JRK: variants seen among roughly 807,000 people sequenced by gnomAD.
JRK encodes Jrk helix-turn-helix protein, also known as jerky protein homolog.
For synonymous variants in JRK, 303 were observed against 218.1 expected, an observed-to-expected ratio of 1.39 and a Z score of -3.43; for missense variants, 720 against 509.2, an observed-to-expected ratio of 1.41 and a Z score of -3.98.
At chr8:142,647,589 G>A in the JRK span, among the ~76,000 whole-genome samples, 3 of 152,176 alleles carry the variant, frequency 2.0e-5, no homozygotes, top group Admixed American at 6.5e-5. Flanking sequence ...TGTCACACAT[G>A]ACTTGCTCCT....
chr8:142,666,090 G>A lies in JRK; in HGVS notation c.-32C>T. 6.3e-7 allele frequency: 1 copy of A among 1,585,096 alleles called. No individual in the cohort carries two copies. Among genetic ancestry groups the A allele is most frequent in the Non-Finnish European group, 8.6e-7 (1 of 1,166,362 alleles). On this transcript the variant is annotated 5_prime_UTR_variant, in exon 2 of 2. Transcript: ENST00000612905. ...GGGTGGCTGGTCCTAGCACTTGCAGGACACACGCCTGGCCTGGGCTGCTGC... is the reference window on the plus strand; with the variant it reads ...GGGTGGCTGGTCCTAGCACTTGCAGAACACACGCCTGGCCTGGGCTGCTGC...
At chr8:142,647,733 A>G in the JRK span, among the ~76,000 whole-genome samples, 1 of 152,190 alleles carries the variant, frequency 6.6e-6, no homozygotes, top group African/African-American at 2.4e-5. Context: ...TAATACAGTA[A>G]ATTGGTACCA....
chr8:142,659,107 G>GA lies in JRK; in HGVS notation c.*5244dup. On this transcript the variant is annotated 3_prime_UTR_variant, in exon 2 of 2. Transcript: ENST00000612905. ...CAGCCCATCAAGGTACAATGAAATAGAAAAAAGGCTGGCCAGGTGCCAAGT... is the reference window on the plus strand; with the variant it reads ...CAGCCCATCAAGGTACAATGAAATAGAAAAAAAGGCTGGCCAGGTGCCAAGT... 4 of 1,372,712 alleles carry GA rather than the reference G, an allele frequency of 2.9e-6. No homozygotes were observed. Among genetic ancestry groups the GA allele is most frequent in the East Asian group, 5.5e-5 (2 of 36,160 alleles). 85.0% of individuals were successfully genotyped at this position (1,372,712 alleles called of 1,614,324 possible).
chr8:142,652,847 G>T (rs73714608), downstream of JRK, among the ~76,000 whole-genome samples: 707 of 152,344 alleles, frequency 4.6e-3, 5 homozygotes, highest in African/African-American at 0.016. Flanking sequence ...ATGCCACACA[G>T]CCACATTTCC....
rs587644841 is a variant in JRK at position 142,664,992 on chromosome 8, C to T, written c.1067G>A (p.Arg356His). 4.4e-5 allele frequency: 32 copies of T among 725,240 alleles called. No individual in the cohort carries two copies. Among genetic ancestry groups the T allele is most frequent in the African/African-American group, 1.6e-4 (9 of 57,672 alleles). The allele number at this position is 725,240 out of a possible 1,614,324, so 44.9% of individuals were successfully genotyped here. Residue 356 changes from arginine (R) to histidine (H), a missense_variant, in exon 2 of 2, where the codon CGC becomes CAC. By Grantham distance (29) the Arg-to-His change is conservative. Transcript: ENST00000612905. ...GAATATGGCATCGTTCATGTTGTAGCGGGCGTGGGGGCCCTGCAGGGGGAC... is the reference window on the plus strand; with the variant it reads ...GAATATGGCATCGTTCATGTTGTAGTGGGCGTGGGGGCCCTGCAGGGGGAC... ...PPVPLQGPHA[R>H]YNMNDAIFSV...
rs781913706 is a variant in JRK, at chr8:142,666,004, C to T, written c.55G>A (p.Val19Met). 1 of 1,408,790 alleles carries T rather than the reference C, an allele frequency of 7.1e-7. No individual in the cohort carries two copies. Among genetic ancestry groups the T allele is most frequent in the Non-Finnish European group, 1.0e-6 (1 of 993,220 alleles). The allele number at this position is 1,408,790 out of a possible 1,614,324, so 87.3% of individuals were successfully genotyped here. The stretch of plus-strand genomic sequence containing the variant: ...TCAATCTTCTCCTTCAGTGTCAGCA[C>T]CACCCTCTTCCGCTTCTCCCCTCTG... ...KSRGEKRKRV[V>M]LTLKEKIDIC... Residue 19 changes from valine to methionine, a missense_variant, in exon 2 of 2, where the codon GTG becomes ATG. Physicochemically the swap from Val to Met is conservative, Grantham distance 21. Coordinates refer to ENST00000612905, the MANE Select transcript of JRK (RefSeq NM_003724.4).
Position 142,662,152 on chromosome 8 carries a change from G to A in JRK, c.*2200C>T. 1 of 985,964 alleles carries A rather than the reference G, an allele frequency of 1.0e-6. No homozygotes were observed. The highest frequency in any genetic ancestry group is 1.2e-6 in the Non-Finnish European group (1 of 830,396). 61.1% of individuals were successfully genotyped at this position (985,964 alleles called of 1,614,324 possible). ...ACCCTGAGGACACAGCCACTCACTG[G>A]GGACAAGCGCCTACCCATCAGCCCA... On this transcript the variant is annotated 3_prime_UTR_variant, in exon 2 of 2. Transcript: ENST00000612905.
chr8:142,649,728 G>A, the JRK span, among the ~76,000 whole-genome samples: 1 of 152,184 alleles, frequency 6.6e-6, no homozygotes, highest in Non-Finnish European at 1.5e-5. Flanking sequence ...GAAACGACTG[G>A]ATGTCCAGGA....
At chr8:142,654,131 G>A (rs772248545), downstream of JRK, among the ~76,000 whole-genome samples, 47 of 152,080 alleles carry the variant, frequency 3.1e-4, no homozygotes, top group Non-Finnish European at 4.3e-4. Context: ...CCACAAGGTC[G>A]GGGGAAGCTG....
chr8:142,662,903 TA>T lies in JRK; in HGVS notation c.*1448del. ...GGCCGAGTGCTGTGGCTCACACCTG[TA>T]ATCCCAGCACTTTAGAAGGATGAGG... On this transcript the variant is annotated 3_prime_UTR_variant, in exon 2 of 2. Coordinates refer to ENST00000612905, the MANE Select transcript of JRK (RefSeq NM_003724.4). 2 of 960,896 alleles carry T rather than the reference TA, an allele frequency of 2.1e-6. No homozygotes were observed. Among genetic ancestry groups the T allele is most frequent in the South Asian group, 4.8e-5 (1 of 20,790 alleles). 59.5% of individuals were successfully genotyped at this position (960,896 alleles called of 1,614,324 possible).
Position 142,662,537 on chromosome 8 carries a change from A to T in JRK, c.*1815T>A. On this transcript the variant is annotated 3_prime_UTR_variant, in exon 2 of 2. Transcript: ENST00000612905. ...TGACACCACAAAGACAATGGGACAC[A>T]AATGGGAACTGGGACTGTCGTTCAG... 1 of 985,508 alleles carries T rather than the reference A, an allele frequency of 1.0e-6. No homozygotes were observed. Among genetic ancestry groups the T allele is most frequent in the Non-Finnish European group, 1.2e-6 (1 of 829,956 alleles). The allele number at this position is 985,508 out of a possible 1,614,324, so 61.0% of individuals were successfully genotyped here. A position where few individuals can be genotyped will look rare whatever the true frequency, so the allele number is the denominator to read the frequency against.
intron 1 of JRK, among the ~76,000 whole-genome samples, chr8:142,667,823 T>A (rs1847179850): frequency 6.6e-6 from 1 of 152,136 alleles, no homozygotes; most frequent in Admixed American, 6.5e-5. Flanking sequence ...GTCATTCTCA[T>A]CCCTTCTAGG....
chr8:142,654,500 G>A (rs1554633448), downstream of JRK, among the ~76,000 whole-genome samples: 2 of 151,980 alleles, frequency 1.3e-5, no homozygotes, highest in African/African-American at 4.8e-5. Flanking sequence ...GTGTCTTGGT[G>A]GGATCCTGTC....
Position 142,664,315 on chromosome 8 carries a change from A to G in JRK, c.*37T>C, listed in dbSNP as rs782220318. ...CCATGCCACTCCAGGGTGTGGGGAG[A>G]AACAGGGCCAGTGGCCAGGGCAGGG... On this transcript the variant is annotated 3_prime_UTR_variant, in exon 2 of 2. Transcript: ENST00000612905. 71 of 1,518,422 alleles carry G rather than the reference A, an allele frequency of 4.7e-5. 1 individual carries two copies. In the South Asian group the frequency reaches 9.1e-4, roughly 19 times the overall value. 94.1% of individuals were successfully genotyped at this position (1,518,422 alleles called of 1,614,324 possible).
Position 142,665,664 on chromosome 8 carries a change from G to T in JRK, c.395C>A (p.Ser132Tyr). 2.8e-6 allele frequency: 2 copies of T among 722,666 alleles called. No homozygotes were observed. Among genetic ancestry groups the T allele is most frequent in the East Asian group, 2.7e-5 (1 of 37,662 alleles). The allele number at this position is 722,666 out of a possible 1,614,324, so 44.8% of individuals were successfully genotyped here. A position where few individuals can be genotyped will look rare whatever the true frequency, so the allele number is the denominator to read the frequency against. ...CTTAAAGCGCCAAAGCCACCCTCCG[G>T]AGAACACGCAGGGCTCAGTGAGCTG... ...QMQLTEPCVFSGGWLWRFKAR... is the reference protein window; with the variant it reads ...QMQLTEPCVFYGGWLWRFKAR... The change falls in exon 2 of 2, where the codon TCC (serine) becomes TAC (tyrosine). Residue 132 changes from serine (S) to tyrosine (Y), a missense_variant. Transcript: ENST00000612905.
chr8:142,665,238 A>G lies in JRK; in HGVS notation c.821T>C (p.Ile274Thr), dbSNP rs1244209261. ...KEIFSDWFHH[I>T]FVPSVREHFR... ...GTGCTCTCTCACCGAGGGCACAAAG[A>G]TATGATGGAACCAATCGGAAAAAAT... The change falls in exon 2 of 2, where the codon ATC becomes ACC. Residue 274 changes from isoleucine (I) to threonine (T), a missense_variant. Physicochemically the swap from Ile to Thr is moderately conservative, Grantham distance 89 (BLOSUM62 -1). Coordinates refer to ENST00000612905, the MANE Select transcript of JRK (RefSeq NM_003724.4). 1 of 717,956 alleles carries G rather than the reference A, an allele frequency of 1.4e-6. No individual in the cohort carries two copies. Among genetic ancestry groups the G allele is most frequent in the South Asian group, 1.5e-5 (1 of 67,604 alleles). 44.5% of individuals were successfully genotyped at this position (717,956 alleles called of 1,614,324 possible). A position where few individuals can be genotyped will look rare whatever the true frequency, so the allele number is the denominator to read the frequency against.
chr8:142,658,820 A>AC lies in JRK; in HGVS notation c.*5531dup, dbSNP rs781894595. ...GCACTGGTGGGGACAGAGGGGTCTTACCCAGCACTGCCATGTGGCAGAAGT... is the reference window on the plus strand; with the variant it reads ...GCACTGGTGGGGACAGAGGGGTCTTACCCCAGCACTGCCATGTGGCAGAAGT... On this transcript the variant is annotated 3_prime_UTR_variant, in exon 2 of 2. Coordinates refer to ENST00000612905, the MANE Select transcript of JRK (RefSeq NM_003724.4). The AC allele has an allele frequency of 3.8e-6, 6 of 1,599,776 alleles. No homozygotes were observed. The highest frequency in any genetic ancestry group is 4.3e-6 in the Non-Finnish European group (5 of 1,173,144).
Position 142,660,524 on chromosome 8 carries a change from T to C in JRK, c.*3828A>G, listed in dbSNP as rs978890542. On this transcript the variant is annotated 3_prime_UTR_variant, in exon 2 of 2. Coordinates refer to ENST00000612905, the MANE Select transcript of JRK (RefSeq NM_003724.4). ...TGGGGATCCTCCCGCCTCGGCCTCC[T>C]GAGTAGCTGGGGTTACAGGCACATG... The C allele has an allele frequency of 3.9e-6, 3 of 773,630 alleles. No homozygotes were observed. In the South Asian group the frequency reaches 1.8e-4, roughly 46 times the overall value. 47.9% of individuals were successfully genotyped at this position (773,630 alleles called of 1,614,324 possible).
downstream of JRK, among the ~76,000 whole-genome samples, chr8:142,652,983 G>C (rs1196466449): frequency 6.6e-6 from 1 of 152,188 alleles, no homozygotes; most frequent in Non-Finnish European, 1.5e-5. Flanking sequence ...AGAGGGATAT[G>C]CAGCGGCTCC....
Sources: allele counts gnomAD v4.1 joint callset (sites outside exome capture counted in the v4.1 genomes callset), GRCh38; gene constraint gnomAD v4.1.1; transcripts MANE v1.5; gene names NCBI Gene and HGNC (gene_info 2026-07-23, HGNC 2026-07-21).